The following SPTAN1 variants were observed in gnomAD, a reference collection of about 807,000 sequenced individuals.
The protein encoded by SPTAN1 is spectrin alpha, non-erythrocytic 1.
A neutral mutation model predicts 331.3 loss-of-function variants in SPTAN1; 61 were observed. That is an observed-to-expected ratio of 0.18 (90% confidence interval 0.15 to 0.23). The LOEUF (loss-of-function observed/expected upper bound fraction) is 0.23. Ranked by LOEUF, SPTAN1 falls within the 10% of genes least tolerant of loss-of-function variation. SPTAN1 has a pLI of 1.00. For missense variants in SPTAN1, 2,043 were observed against 3,147.9 expected (o/e 0.65, Z 8.40); for synonymous variants, 1,153 against 1,173.9 (o/e 0.98, Z 0.36).
At chr9:128,621,565 A>G in intron 45 of SPTAN1, 1 of 456,484 alleles carries the variant, frequency 2.2e-6, no homozygotes, top group South Asian at 2.2e-5. Context: ...GAAAATGCAA[A>G]TAAGCAAAAC....
Position 128,627,790 on chromosome 9 carries a change from A to C in SPTAN1, c.6690-135A>C. On this transcript the variant is annotated intron_variant, in intron 50 of 56. Coordinates refer to ENST00000372739, the MANE Select transcript of SPTAN1 (RefSeq NM_001130438.3). The surrounding 1 kb of genome is among the most constrained non-coding windows in gnomAD (Gnocchi z 4.9). ...GCCATGACTTGGTGACAGACGATGC[A>C]GGGTCTGTGCGTTGGGTACTGATGT... is the stretch of plus-strand genomic sequence containing the variant. 1.8e-6 allele frequency: 2 copies of C among 1,140,578 alleles called. No homozygotes were observed. The highest frequency in any genetic ancestry group is 2.7e-6 in the Non-Finnish European group (2 of 750,732). The allele number at this position is 1,140,578 out of a possible 1,614,324, so 70.7% of individuals were successfully genotyped here.
At position 128,577,001 on chromosome 9, in the gene SPTAN1, G is replaced by A. The variant is rs1359388454; in HGVS notation, c.785+45G>A. 2 of 1,614,022 alleles carry A rather than the reference G, an allele frequency of 1.2e-6. No individual in the cohort carries two copies. Among genetic ancestry groups the A allele is most frequent in the South Asian group, 2.2e-5 (2 of 91,062 alleles). On this transcript the variant is annotated intron_variant, in intron 6 of 56. Transcript: ENST00000372739. This position sits in a 1 kb window ranked among gnomAD's most constrained non-coding sequence, Gnocchi z 4.2. ...TTTGGGGAATGGGTCTCAACCTGGA[G>A]GGGAGTTGTGAAGCACAGGGCATGT... is the stretch of plus-strand genomic sequence containing the variant.
chr9:128,605,140 G>A lies in SPTAN1; in HGVS notation c.3826G>A (p.Glu1276Lys). 6.2e-7 allele frequency: 1 copy of A among 1,613,968 alleles called. No individual in the cohort carries two copies. Residue 1276 changes from glutamate to lysine, a missense_variant, in exon 30 of 57, where the codon GAG becomes AAG. Glu to Lys is a moderately conservative substitution (Grantham distance 56). This residue lies in a region of SPTAN1 where 42 missense variants were observed against 106.0 expected (regional missense o/e 0.40). Coordinates refer to ENST00000372739, the MANE Select transcript of SPTAN1 (RefSeq NM_001130438.3). ...TGTCCAGGCCCTGCAACGCAAGCAT[G>A]AGGGCTTCGAGAGGGACCTTGCGGC... ...ASVQALQRKH[E>K]GFERDLAALG... is the part of the protein sequence containing the mutation.
At chr9:128,556,464 T>A (rs1212879027) in intron 1 of SPTAN1, among the ~76,000 whole-genome samples, 1 of 152,208 alleles carries the variant, frequency 6.6e-6, no homozygotes, top group Non-Finnish European at 1.5e-5. Context: ...AACCATTTCC[T>A]GTTTTGAGTC....
intron 5 of SPTAN1, 44 bp downstream of exon 5, chr9:128,575,389 T>A (rs769575186): frequency 1.1e-5 from 17 of 1,599,494 alleles, no homozygotes; most frequent in Non-Finnish European, 1.4e-5. Context: ...ATTATTATGT[T>A]AACTTTTTAG....
chr9:128,582,683 T>C lies in SPTAN1; in HGVS notation c.1651-11T>C. 1.9e-6 allele frequency: 3 copies of C among 1,612,766 alleles called. No individual in the cohort carries two copies. The highest frequency in any genetic ancestry group is 2.5e-6 in the Non-Finnish European group (3 of 1,180,040). Reference sequence around the variant, plus strand: ...AACACTAGAGACTCACAGGGGATCCTTGTCTTTCAGCTGTTGAGCCGCCGC... The same window carrying C: ...AACACTAGAGACTCACAGGGGATCCCTGTCTTTCAGCTGTTGAGCCGCCGC... On this transcript the variant is annotated splice_polypyrimidine_tract_variant and intron_variant, in intron 13 of 56. Coordinates refer to ENST00000372739, the MANE Select transcript of SPTAN1 (RefSeq NM_001130438.3).
At chr9:128,620,979 T>C (rs1857776457) in intron 44 of SPTAN1, among the ~76,000 whole-genome samples, 179 bp from the exon 45 acceptor site, 1 of 152,120 alleles carries the variant, frequency 6.6e-6, no homozygotes, top group African/African-American at 2.4e-5. Flanking sequence ...GCCTCCTGTT[T>C]TCCTTCCTTT....
chr9:128,563,656 G>A (rs982830023), intron 1 of SPTAN1, among the ~76,000 whole-genome samples: 8 of 151,872 alleles, frequency 5.3e-5, no homozygotes, highest in African/African-American at 1.9e-4. Context: ...AATGAATTCA[G>A]GTCTGCTGCA....
At chr9:128,603,496 T>G (rs200685538) in intron 27 of SPTAN1, 47 bp from the exon 28 acceptor site, 2 of 1,610,596 alleles carry the variant, frequency 1.2e-6, no homozygotes, top group African/African-American at 1.3e-5. Context: ...GATCTCTAAT[T>G]GCCAGACACT....
rs939613252 is a variant in SPTAN1, at chr9:128,629,785, G to A, written c.6708-536G>A. 3.5e-5 allele frequency: 8 copies of A among 228,264 alleles called. No homozygotes were observed. Among genetic ancestry groups the A allele is most frequent in the East Asian group, 3.2e-4 (3 of 9,456 alleles). The allele number at this position is 228,264 out of a possible 1,614,324, so 14.1% of individuals were successfully genotyped here. A position where few individuals can be genotyped will look rare whatever the true frequency, so the allele number is the denominator to read the frequency against. On this transcript the variant is annotated intron_variant, in intron 51 of 56. Transcript: ENST00000372739. The surrounding 1 kb of genome is among the most constrained non-coding windows in gnomAD (Gnocchi z 4.9). ...CTCTCTCCTTTTGGCACAGTTGGTC[G>A]TGATCTCCCAGCACTCCACTTGTGT...
At chr9:128,631,255 C>G (rs1012459951) in intron 52 of SPTAN1, among the ~76,000 whole-genome samples, 1 of 150,416 alleles carries the variant, frequency 6.6e-6, no homozygotes, top group Non-Finnish European at 1.5e-5. Flanking sequence ...GTCAGGAGTT[C>G]GAGACCAGCC....
intron 23 of SPTAN1, 109 bp from the exon 24 acceptor site, chr9:128,594,066 C>T (rs780606741): frequency 5.8e-6 from 6 of 1,030,010 alleles, no homozygotes; most frequent in Non-Finnish European, 9.0e-6. Flanking sequence ...ATTACAAACT[C>T]GTAGCCTGGA....
rs200128928 is a variant in SPTAN1 at position 128,589,294 on chromosome 9, T to TC, written c.3006+351_3006+352insC. ...CTTTTTTTTTCTTTTTCTTTTCTTT[T>TC]TTTTTTTTTTTTGAGACAGAGTCTC... On this transcript the variant is annotated intron_variant, in intron 21 of 56. Coordinates refer to ENST00000372739, the MANE Select transcript of SPTAN1 (RefSeq NM_001130438.3). Among the ~76,000 whole-genome samples, 1,161 of 148,056 alleles carry TC rather than the reference T, an allele frequency of 7.8e-3. 50 individuals are homozygous for TC. The East Asian group carries it at 0.096, about 12-fold the overall frequency.
chr9:128,555,811 A>G (rs572410813), intron 1 of SPTAN1, among the ~76,000 whole-genome samples: 4 of 152,196 alleles, frequency 2.6e-5, no homozygotes, highest in African/African-American at 4.8e-5. Flanking sequence ...CTGAAAATAC[A>G]TAGTAAAAAT....
In SPTAN1 at chr9:128,586,112, G is replaced by GTTT. The variant is rs35434571; in HGVS notation, c.2778+170_2778+172dup. On this transcript the variant is annotated intron_variant, in intron 19 of 56. Transcript: ENST00000372739. ...TGTTTTGGAATCCATTTTTCACTTG[G>GTTT]TTTTTTTTTTTTTTTTTTTTTTTTT... 2.0e-3 allele frequency: 533 copies of GTTT among 265,250 alleles called. 4 individuals carry two copies. The highest frequency in any genetic ancestry group is 9.6e-3 in the East Asian group (99 of 10,278). The allele number at this position is 265,250 out of a possible 1,614,324, so 16.4% of individuals were successfully genotyped here.
At chr9:128,606,880 G>A (rs1260033797) in intron 31 of SPTAN1, among the ~76,000 whole-genome samples, 1 of 152,152 alleles carries the variant, frequency 6.6e-6, no homozygotes, top group East Asian at 1.9e-4. Flanking sequence ...TATTCACGGT[G>A]TTGTGCAGCC....
intron 1 of SPTAN1, among the ~76,000 whole-genome samples, chr9:128,558,120 A>G (rs558527631): frequency 6.6e-6 from 1 of 152,278 alleles, no homozygotes; most frequent in Non-Finnish European, 1.5e-5. Context: ...AGAAATTTCT[A>G]GCCAAGATTC....
chr9:128,567,601 T>C (rs887902156), intron 2 of SPTAN1, among the ~76,000 whole-genome samples: 5 of 151,260 alleles, frequency 3.3e-5, no homozygotes, highest in Non-Finnish European at 7.4e-5. Context: ...GAATGAGTTT[T>C]TGAGGAAGGC....
At chr9:128,630,249 G>A in intron 51 of SPTAN1, 72 bp from the exon 52 acceptor site, 1 of 1,546,878 alleles carries the variant, frequency 6.5e-7, no homozygotes, top group Non-Finnish European at 8.9e-7. Flanking sequence ...TGCTCTCTCT[G>A]AGAGAAGGTT....
Sources: allele counts gnomAD v4.1 joint callset (sites outside exome capture counted in the v4.1 genomes callset), GRCh38; gene constraint gnomAD v4.1.1; regional missense constraint gnomAD v4.1.1; non-coding constraint Gnocchi (gnomAD v3.1); transcripts MANE v1.5; gene names NCBI Gene and HGNC (gene_info 2026-07-23, HGNC 2026-07-21).